Variants in RAMP1 observed in about 807,000 individuals in gnomAD.
The protein encoded by RAMP1 is receptor activity modifying protein 1.
A neutral mutation model predicts 8.2 loss-of-function variants in RAMP1; 7 were observed. The observed-to-expected ratio is 0.85, with a 90% CI of 0.49 to 1.60. RAMP1 has a LOEUF of 1.60. Among genes scored for constraint, RAMP1 ranks in the 40% most tolerant of loss-of-function variants. The pLI is 0.00. For missense variants in RAMP1, 192 were observed against 202.4 expected, an observed-to-expected ratio of 0.95 and a Z score of 0.31; for synonymous variants, 92 against 84.7, an observed-to-expected ratio of 1.09 and a Z score of -0.47.
intron 2 of RAMP1, among the ~76,000 whole-genome samples, chr2:237,909,884 C>T (rs754982443): frequency 1.6e-4 from 24 of 152,072 alleles, no homozygotes; most frequent in Admixed American, 5.9e-4. Context: ...TGAGCTCACC[C>T]GCTGTGGCTT....
rs1282778085 is a variant in RAMP1, at chr2:237,878,777, G to T, written c.191+1415G>T. 1.3e-5 allele frequency among the ~76,000 whole-genome samples: 2 copies of T among 152,242 alleles called. No homozygotes were observed. Among genetic ancestry groups the T allele is most frequent in the Non-Finnish European group, 1.5e-5 (1 of 68,050 alleles). On this transcript the variant is annotated intron_variant, in intron 2 of 2. Coordinates refer to ENST00000254661, the MANE Select transcript of RAMP1 (RefSeq NM_005855.4). This position sits in a 1 kb window ranked among gnomAD's most constrained non-coding sequence, Gnocchi z 5.7. ...CCCAAACTTTTTAAAAAGTAGGAAA[G>T]CATGGGGTATATGCAGGTGTGCATG...
intron 2 of RAMP1, among the ~76,000 whole-genome samples, chr2:237,889,507 T>G (rs1475927453): frequency 6.6e-6 from 1 of 152,240 alleles, no homozygotes; most frequent in Non-Finnish European, 1.5e-5. Flanking sequence ...GAAATAATTT[T>G]TACTTATATT....
intron 1 of RAMP1, among the ~76,000 whole-genome samples, chr2:237,875,941 C>T (rs1054160408): frequency 6.6e-6 from 1 of 152,174 alleles, no homozygotes; most frequent in Non-Finnish European, 1.5e-5. Flanking sequence ...TGCCCAGCCC[C>T]ACAGCCCCAG....
At chr2:237,876,147 C>A (rs1306292868) in intron 1 of RAMP1, among the ~76,000 whole-genome samples, 1 of 152,204 alleles carries the variant, frequency 6.6e-6, no homozygotes, top group Non-Finnish European at 1.5e-5. Flanking sequence ...TTTTACTCAG[C>A]AGTCCGAGGG....
At chr2:237,905,846 A>G (rs1173236309) in intron 2 of RAMP1, among the ~76,000 whole-genome samples, 1 of 152,024 alleles carries the variant, frequency 6.6e-6, no homozygotes, top group Non-Finnish European at 1.5e-5. Context: ...CCCCATCTCT[A>G]CTAAAAATAC....
At chr2:237,859,999 G>T in intron 1 of RAMP1, 1 of 391,874 alleles carries the variant, frequency 2.6e-6, no homozygotes, top group Non-Finnish European at 4.6e-6. Context: ...TCTGGAAAGC[G>T]TGGGGTGAGT....
chr2:237,882,369 G>A (rs2062378620), intron 2 of RAMP1, among the ~76,000 whole-genome samples: 1 of 152,206 alleles, frequency 6.6e-6, no homozygotes, highest in Non-Finnish European at 1.5e-5. Flanking sequence ...TGTAGCTGGC[G>A]TTTATTACCG....
intron 2 of RAMP1, among the ~76,000 whole-genome samples, chr2:237,887,450 C>G (rs953513290): frequency 5.3e-5 from 8 of 152,186 alleles, no homozygotes; most frequent in Non-Finnish European, 1.2e-4. Flanking sequence ...TTGGGACAGG[C>G]CTTGGGTCTG....
chr2:237,866,248 G>A (rs1487524787), intron 1 of RAMP1, among the ~76,000 whole-genome samples: 1 of 152,068 alleles, frequency 6.6e-6, no homozygotes, highest in Non-Finnish European at 1.5e-5. Context: ...TACCGAGAGT[G>A]GGATATTTTC....
intron 1 of RAMP1, among the ~76,000 whole-genome samples, chr2:237,873,422 G>T: frequency 6.6e-6 from 1 of 152,202 alleles, no homozygotes; most frequent in Non-Finnish European, 1.5e-5. Flanking sequence ...GGGCCCGGCT[G>T]CCCCGTCCTT....
intron 2 of RAMP1, among the ~76,000 whole-genome samples, chr2:237,903,529 T>C (rs568110477): frequency 1.5e-5 from 2 of 129,546 alleles, no homozygotes; most frequent in Admixed American, 1.5e-4. Flanking sequence ...ATTATTTTCT[T>C]TTTTTTTGAG....
intron 2 of RAMP1, among the ~76,000 whole-genome samples, chr2:237,892,450 G>A (rs1405524760): frequency 6.6e-6 from 1 of 151,684 alleles, no homozygotes; most frequent in Non-Finnish European, 1.5e-5. Context: ...TGTAGAGATG[G>A]GGTCTCACTG....
At chr2:237,886,709 G>A (rs1319200735) in intron 2 of RAMP1, among the ~76,000 whole-genome samples, 15 of 152,360 alleles carry the variant, frequency 9.8e-5, no homozygotes, top group Admixed American at 7.2e-4. Context: ...GACTTAGCGC[G>A]GAGCGTGGCA....
At chr2:237,861,007 A>G (rs2062128320) in intron 1 of RAMP1, among the ~76,000 whole-genome samples, 1 of 152,174 alleles carries the variant, frequency 6.6e-6, no homozygotes, top group African/African-American at 2.4e-5. Flanking sequence ...TATTCTCTCC[A>G]TTTGGCTTGA....
Position 237,877,358 on chromosome 2 carries a change from A to G in RAMP1, c.187A>G (p.Ile63Val). Residue 63 changes from isoleucine (I) to valine (V), a missense_variant, in exon 2 of 3, where the codon ATC becomes GTC. By Grantham distance (29) the Ile-to-Val change is conservative (BLOSUM62 3). Transcript: ENST00000254661. This position sits in a 1 kb window ranked among gnomAD's most constrained non-coding sequence, Gnocchi z 4.4. ...ETLWCDWGRT[I>V]RSYRELADCT... ...GCTGTGGTGTGACTGGGGCAGGACC[A>G]TCAGGTGAGTCCCATGGCCCCTGGT... The G allele has an allele frequency of 6.2e-7, 1 of 1,612,028 alleles. No homozygotes were observed. Among genetic ancestry groups the G allele is most frequent in the Non-Finnish European group, 8.5e-7 (1 of 1,179,048 alleles).
intron 2 of RAMP1, among the ~76,000 whole-genome samples, chr2:237,885,522 G>A (rs981042069): frequency 2.6e-5 from 4 of 152,262 alleles, no homozygotes; most frequent in African/African-American, 7.2e-5. Context: ...CTCCCTGGTG[G>A]CTGTGGTGCT....
intron 2 of RAMP1, among the ~76,000 whole-genome samples, chr2:237,907,187 C>T (rs1471098919): frequency 6.6e-6 from 1 of 152,112 alleles, no homozygotes; most frequent in Non-Finnish European, 1.5e-5. Context: ...ACTCACTGTT[C>T]TTCTGTATGT....
At chr2:237,875,381 C>T (rs1479166518) in intron 1 of RAMP1, among the ~76,000 whole-genome samples, 1 of 152,134 alleles carries the variant, frequency 6.6e-6, no homozygotes, top group African/African-American at 2.4e-5. Context: ...CTGAGGTGTC[C>T]CCGGGGTGCC....
rs1215634842 is a variant in RAMP1, at chr2:237,878,673, C to T, written c.191+1311C>T. Among the ~76,000 whole-genome samples the T allele has an allele frequency of 1.3e-5, 2 of 152,264 alleles. No individual in the cohort carries two copies. The highest frequency in any genetic ancestry group is 6.5e-5 in the Admixed American group (1 of 15,290). On this transcript the variant is annotated intron_variant, in intron 2 of 2. Coordinates refer to ENST00000254661, the MANE Select transcript of RAMP1 (RefSeq NM_005855.4). This position sits in a 1 kb window ranked among gnomAD's most constrained non-coding sequence, Gnocchi z 5.7. ...CCGGCCATGTGCTCTCTGCCCACTT[C>T]GTCCACCCCAGGGAACTCCCTCAGG...
Sources: allele counts gnomAD v4.1 joint callset (sites outside exome capture counted in the v4.1 genomes callset), GRCh38; gene constraint gnomAD v4.1.1; non-coding constraint Gnocchi (gnomAD v3.1); transcripts MANE v1.5; gene names NCBI Gene and HGNC (gene_info 2026-07-23, HGNC 2026-07-21).